The following TPTE2 variants were observed in gnomAD, a reference collection of about 807,000 sequenced individuals.
TPTE2 encodes transmembrane phosphoinositide 3-phosphatase and tensin homolog 2.
A neutral mutation model predicts 78.6 loss-of-function variants in TPTE2; 53 were observed. That is an observed-to-expected ratio of 0.67 (90% CI 0.54 to 0.85). The LOEUF (loss-of-function observed/expected upper bound fraction) is 0.85, where lower values mean the gene tolerates loss of function less well. TPTE2 is among the 40% of genes least tolerant of loss of function. TPTE2 has a pLI of 0.00. For missense variants in TPTE2, 461 were observed against 623.0 expected (o/e 0.74, Z 2.77); for synonymous variants, 175 against 206.2 (o/e 0.85, Z 1.30).
At chr13:19,511,385 CAT>C (rs773025626) in intron 1 of TPTE2, among the ~76,000 whole-genome samples, 12 of 151,926 alleles carry the variant, frequency 7.9e-5, no homozygotes, top group Non-Finnish European at 1.5e-4. Context: ...AACAACAATA[CAT>C]AGTTTACAGA....
At chr13:19,464,226 C>T (rs1376636632) in intron 10 of TPTE2, among the ~76,000 whole-genome samples, 1 of 152,206 alleles carries the variant, frequency 6.6e-6, no homozygotes, top group African/African-American at 2.4e-5. Flanking sequence ...ACCAAATTCA[C>T]AAACCACAGT....
chr13:19,496,196 T>G (rs1271722638), intron 1 of TPTE2, among the ~76,000 whole-genome samples: 2 of 152,168 alleles, frequency 1.3e-5, no homozygotes, highest in Non-Finnish European at 2.9e-5. Context: ...GTAAATTGCC[T>G]TACCCTTACA....
At chr13:19,527,365 T>G (rs1363163250) in intron 1 of TPTE2, among the ~76,000 whole-genome samples, 1 of 152,238 alleles carries the variant, frequency 6.6e-6, no homozygotes, top group Admixed American at 6.5e-5. Context: ...CAGATACCTT[T>G]AATACCCTGA....
At chr13:19,426,591 G>A in intron 17 of TPTE2, 74 bp from the exon 21 acceptor site, 1 of 837,258 alleles carries the variant, frequency 1.2e-6, no homozygotes, top group Non-Finnish European at 2.0e-6. Flanking sequence ...CACTTATCAT[G>A]ACTTCCTGTA....
intron 10 of TPTE2, among the ~76,000 whole-genome samples, chr13:19,458,884 C>T (rs1394580709): frequency 6.6e-6 from 1 of 152,096 alleles, no homozygotes; most frequent in East Asian, 1.9e-4. Flanking sequence ...CATATGTGTG[C>T]ATGCATGTAT....
At chr13:19,530,344 G>T (rs1156239165) in intron 1 of TPTE2, among the ~76,000 whole-genome samples, 1 of 152,172 alleles carries the variant, frequency 6.6e-6, no homozygotes, top group South Asian at 2.1e-4. Flanking sequence ...GAAGATGACG[G>T]TAAGTACCCA....
intron 1 of TPTE2, among the ~76,000 whole-genome samples, chr13:19,519,663 C>T (rs1445924480): frequency 1.3e-5 from 2 of 152,176 alleles, no homozygotes; most frequent in African/African-American, 4.8e-5. Flanking sequence ...TAGTACTACA[C>T]AATTTTAACC....
chr13:19,560,605 G>T, the TPTE2 span: 1 of 1,601,414 alleles, frequency 6.2e-7, no homozygotes, highest in South Asian at 1.1e-5. Flanking sequence ...GTCACAGAGG[G>T]TAGCCACGGC....
intron 16 of TPTE2, among the ~76,000 whole-genome samples, chr13:19,430,847 C>A (rs1405818802): frequency 6.6e-6 from 1 of 152,100 alleles, no homozygotes; most frequent in Non-Finnish European, 1.5e-5. Flanking sequence ...GGAAGCTAGG[C>A]CGGGCATGGT....
chr13:19,431,700 T>A (rs1876617452), intron 16 of TPTE2, among the ~76,000 whole-genome samples: 1 of 146,762 alleles, frequency 6.8e-6, no homozygotes, highest in African/African-American at 2.5e-5. Context: ...TATTGATGTC[T>A]ACCAGAAATC....
chr13:19,499,406 T>A (rs1446899538), intron 1 of TPTE2, among the ~76,000 whole-genome samples: 1 of 149,714 alleles, frequency 6.7e-6, no homozygotes, highest in Non-Finnish European at 1.5e-5. Context: ...GAAGTAAAGC[T>A]CTCCTCAGCA....
chr13:19,433,521 A>C (rs1438757660), intron 15 of TPTE2, among the ~76,000 whole-genome samples: 1 of 152,136 alleles, frequency 6.6e-6, no homozygotes, highest in African/African-American at 2.4e-5. Context: ...AAAACAAAAC[A>C]AAACAAAGCA....
chr13:19,493,180 CAAA>C (rs71092367), intron 2 of TPTE2, among the ~76,000 whole-genome samples: 2 of 147,538 alleles, frequency 1.4e-5, no homozygotes, highest in Non-Finnish European at 1.5e-5. Flanking sequence ...AACTCTGTTA[CAAA>C]AAAAAAAAAA....
upstream of TPTE2, among the ~76,000 whole-genome samples, chr13:19,537,695 TG>T (rs1198599038): frequency 6.6e-6 from 1 of 151,046 alleles, no homozygotes. Context: ...CTCTGTCTCC[TG>T]GGTTCAAGCA....
At chr13:19,431,113 C>T (rs1460256630) in intron 16 of TPTE2, among the ~76,000 whole-genome samples, 1 of 146,718 alleles carries the variant, frequency 6.8e-6, no homozygotes. Context: ...GGTGACAGAA[C>T]ATGACTCTGT....
At chr13:19,542,925 A>C in the TPTE2 span, among the ~76,000 whole-genome samples, 1 of 152,060 alleles carries the variant, frequency 6.6e-6, no homozygotes, top group Non-Finnish European at 1.5e-5. Flanking sequence ...CAGGAGGTCA[A>C]GGCAGCAGTG....
intron 6 of TPTE2, among the ~76,000 whole-genome samples, chr13:19,468,936 G>T (rs532650094): frequency 6.6e-6 from 1 of 152,060 alleles, no homozygotes; most frequent in African/African-American, 2.4e-5. Flanking sequence ...TTTTCAGATC[G>T]GTAGTTTGCA....
At chr13:19,492,335 G>A (rs1439066962) in intron 3 of TPTE2, among the ~76,000 whole-genome samples, 3 of 152,260 alleles carry the variant, frequency 2.0e-5, no homozygotes, top group Non-Finnish European at 4.4e-5. Context: ...ACAAGTCCAC[G>A]TTCCATTAGC....
intron 10 of TPTE2, among the ~76,000 whole-genome samples, chr13:19,461,414 T>C (rs1878879386): frequency 6.6e-6 from 1 of 152,056 alleles, no homozygotes; most frequent in Admixed American, 6.5e-5. Context: ...CAAATATTTA[T>C]CATTCTTTGT....
Sources: allele counts gnomAD v4.1 joint callset (sites outside exome capture counted in the v4.1 genomes callset), GRCh38; gene constraint gnomAD v4.1.1; transcripts MANE v1.5; gene names NCBI Gene and HGNC (gene_info 2026-07-23, HGNC 2026-07-21).